The following PHF24 variants were observed in gnomAD, a reference collection of about 807,000 sequenced individuals.
The protein encoded by PHF24 is PHD finger protein 24, also known as Galpha inhibitory interacting protein.
PHF24 carries 25 observed loss-of-function variants against 42.6 expected under a neutral mutation model. That is an observed-to-expected ratio of 0.59 (90% CI 0.43 to 0.82). The LOEUF (loss-of-function observed/expected upper bound fraction) is 0.82. PHF24 is among the 40% of genes least tolerant of loss of function. The probability of loss-of-function intolerance (pLI) is 0.00; values close to 1 mark genes in which losing one functional copy is unlikely to be tolerated. For synonymous variants in PHF24, 185 were observed against 204.8 expected, an observed-to-expected ratio of 0.90 and a Z score of 0.83; for missense variants, 470 against 538.1, an observed-to-expected ratio of 0.87 and a Z score of 1.25.
intron 1 of PHF24, among the ~76,000 whole-genome samples, chr9:34,965,538 T>C (rs1375383796): frequency 2.0e-5 from 3 of 152,264 alleles, no homozygotes; most frequent in African/African-American, 7.2e-5. Context: ...GTTTTGCTAG[T>C]AGATGTCAGC....
the PHF24 span, chr9:34,832,983 C>A: frequency 3.9e-6 from 6 of 1,551,666 alleles, no homozygotes; most frequent in Non-Finnish European, 5.2e-6. Flanking sequence ...TGACAGGGAT[C>A]AGCAAGATGA....
chr9:34,969,852 C>T (rs1826911726), intron 1 of PHF24, among the ~76,000 whole-genome samples: 1 of 152,160 alleles, frequency 6.6e-6, no homozygotes, highest in Admixed American at 6.5e-5. Context: ...ACTGGCCTTA[C>T]TTCTCCTCCT....
At chr9:34,777,853 T>C in the PHF24 span, among the ~76,000 whole-genome samples, 2 of 152,218 alleles carry the variant, frequency 1.3e-5, no homozygotes, top group African/African-American at 2.4e-5. Context: ...GCTCCCTCCC[T>C]GGAGCAGTGT....
chr9:34,739,229 C>T, the PHF24 span, among the ~76,000 whole-genome samples: 1 of 152,092 alleles, frequency 6.6e-6, no homozygotes, highest in South Asian at 2.1e-4. Flanking sequence ...TTTCATTTCA[C>T]GTTGACAAAA....
chr9:34,900,635 A>G, the PHF24 span, among the ~76,000 whole-genome samples: 1 of 152,184 alleles, frequency 6.6e-6, no homozygotes, highest in African/African-American at 2.4e-5. Context: ...AATGTCTATA[A>G]ATGGGCAACT....
the PHF24 span, among the ~76,000 whole-genome samples, chr9:34,855,707 T>G: frequency 6.6e-6 from 1 of 152,200 alleles, no homozygotes; most frequent in African/African-American, 2.4e-5. Flanking sequence ...GCTCTTAGCA[T>G]TTTTTCTTTC....
the PHF24 span, among the ~76,000 whole-genome samples, chr9:34,844,753 T>C: frequency 1.3e-5 from 2 of 152,214 alleles, no homozygotes; most frequent in African/African-American, 4.8e-5. Context: ...ATTATCTATA[T>C]TGAATAATGT....
chr9:34,848,296 CAG>C, the PHF24 span, among the ~76,000 whole-genome samples: 1 of 151,762 alleles, frequency 6.6e-6, no homozygotes. Flanking sequence ...TTGGTCTATT[CAG>C]AGAGTCAACT....
At chr9:34,675,833 A>C in the PHF24 span, among the ~76,000 whole-genome samples, 2 of 152,138 alleles carry the variant, frequency 1.3e-5, no homozygotes, top group Admixed American at 6.5e-5. Context: ...GGAGATGGGG[A>C]GCCCTGGGGT....
the PHF24 span, among the ~76,000 whole-genome samples, chr9:34,682,544 T>C: frequency 1.3e-5 from 2 of 152,178 alleles, no homozygotes; most frequent in Non-Finnish European, 1.5e-5. Context: ...TGTATGTTGA[T>C]CTTGGATAGC....
At chr9:34,948,372 G>A in the PHF24 span, among the ~76,000 whole-genome samples, 1 of 152,186 alleles carries the variant, frequency 6.6e-6, no homozygotes, top group Non-Finnish European at 1.5e-5. Flanking sequence ...GTCATGTGCA[G>A]TAATTTCCTA....
the PHF24 span, among the ~76,000 whole-genome samples, chr9:34,863,829 C>T: frequency 1.8e-4 from 27 of 152,296 alleles, no homozygotes; most frequent in African/African-American, 6.0e-4. Context: ...CTGGAGGAAA[C>T]AGAGATATGT....
chr9:34,728,266 A>AT, the PHF24 span, among the ~76,000 whole-genome samples: 4 of 152,138 alleles, frequency 2.6e-5, no homozygotes, highest in Admixed American at 2.6e-4. Context: ...ATTTCATTTG[A>AT]TTTTTACAAC....
At chr9:34,794,877 G>A in the PHF24 span, among the ~76,000 whole-genome samples, 1 of 152,078 alleles carries the variant, frequency 6.6e-6, no homozygotes, top group African/African-American at 2.4e-5. Context: ...GTCACATGAG[G>A]AGAAGAGAGA....
chr9:34,724,691 G>C, the PHF24 span: 2 of 1,546,364 alleles, frequency 1.3e-6, no homozygotes, highest in Middle Eastern at 1.7e-4. Flanking sequence ...TGCAACGTCT[G>C]TACAACTCTC....
chr9:34,690,143 A>G, the PHF24 span: 2 of 1,598,428 alleles, frequency 1.3e-6, no homozygotes, highest in African/African-American at 1.3e-5. Flanking sequence ...GAAGGGGAAT[A>G]AGAAGGTGGG....
chr9:34,955,445 G>C (rs1826349894), upstream of PHF24, among the ~76,000 whole-genome samples: 1 of 152,232 alleles, frequency 6.6e-6, no homozygotes, highest in Admixed American at 6.5e-5. Context: ...GGGAAGTCGA[G>C]GCAGGGAGAT....
the PHF24 span, among the ~76,000 whole-genome samples, chr9:34,881,294 A>G: frequency 2.6e-5 from 4 of 152,192 alleles, no homozygotes; most frequent in Non-Finnish European, 1.5e-5. Context: ...ATCACAATTA[A>G]AAGAACTAGA....
the PHF24 span, chr9:34,709,807 G>A: frequency 1.2e-6 from 2 of 1,614,074 alleles, no homozygotes; most frequent in Non-Finnish European, 8.5e-7. Flanking sequence ...GCCTAAGCTT[G>A]GTTCCTGCTT....
Sources: gnomAD v4.1 joint callset for allele counts (sites outside exome capture counted in the v4.1 genomes callset) on GRCh38, gnomAD v4.1.1 for gene constraint, MANE v1.5 for transcripts, NCBI Gene and HGNC (gene_info 2026-07-23, HGNC 2026-07-21) for gene names.